MAJIN: variants seen among roughly 807,000 people sequenced by gnomAD.
The protein encoded by MAJIN is membrane anchored junction protein, also known as membrane-anchored junction protein.
Under a neutral mutation model 30.2 loss-of-function variants are expected in MAJIN, and 27 were observed. The observed-to-expected ratio is 0.89, with a 90% CI of 0.66 to 1.23. The LOEUF (loss-of-function observed/expected upper bound fraction) is 1.23, where lower values mean the gene tolerates loss of function less well. MAJIN is among the 50% of genes most tolerant of loss of function. The probability of loss-of-function intolerance (pLI) is 0.00; values close to 1 mark genes in which losing one functional copy is unlikely to be tolerated. For missense variants in MAJIN, 253 were observed against 260.3 expected, an observed-to-expected ratio of 0.97 and a Z score of 0.19; for synonymous variants, 78 against 91.6, an observed-to-expected ratio of 0.85 and a Z score of 0.85.
At chr11:64,956,264 A>C (rs1375295947) in intron 3 of MAJIN, among the ~76,000 whole-genome samples, 1 of 152,082 alleles carries the variant, frequency 6.6e-6, no homozygotes, top group Non-Finnish European at 1.5e-5. Flanking sequence ...GCACCATTGC[A>C]CTCCAGCCCG....
At chr11:64,951,856 A>G (rs1460158923) in intron 4 of MAJIN, among the ~76,000 whole-genome samples, 1 of 151,516 alleles carries the variant, frequency 6.6e-6, no homozygotes, top group African/African-American at 2.4e-5. Context: ...TATACTGGCT[A>G]ATATTTATTG....
chr11:64,957,300 A>T (rs1945651490), intron 3 of MAJIN, among the ~76,000 whole-genome samples: 1 of 151,832 alleles, frequency 6.6e-6, no homozygotes, highest in Admixed American at 6.6e-5. Flanking sequence ...GGCTGATCTC[A>T]AACTCCTACG....
chr11:64,942,234 T>A (rs940560038), intron 8 of MAJIN, among the ~76,000 whole-genome samples: 1 of 152,146 alleles, frequency 6.6e-6, no homozygotes, highest in Non-Finnish European at 1.5e-5. Flanking sequence ...CTTTTTTTTT[T>A]CTTTTGGGTG....
chr11:64,948,823 A>C (rs1333517239), intron 6 of MAJIN, among the ~76,000 whole-genome samples: 1 of 146,646 alleles, frequency 6.8e-6, no homozygotes. Context: ...CGCCTGGCTA[A>C]ATTTATTTTT....
At chr11:64,969,765 A>C (rs1230489812) in intron 1 of MAJIN, among the ~76,000 whole-genome samples, 3 of 151,608 alleles carry the variant, frequency 2.0e-5, no homozygotes, top group African/African-American at 4.9e-5. Flanking sequence ...ATCTTGGCTC[A>C]CTGCAACCTC....
Position 64,947,453 on chromosome 11 carries a change from T to A in MAJIN, c.394A>T (p.Lys132Ter). 1.2e-6 allele frequency: 2 copies of A among 1,613,898 alleles called. No individual in the cohort carries two copies. The highest frequency in any genetic ancestry group is 2.7e-5 in the African/African-American group (2 of 75,036). The change falls in exon 8 of 11, where the codon AAG becomes TAG. Residue 132 changes from lysine to a stop codon, truncating the protein, a stop_gained. Transcript: ENST00000301896. LOFTEE classifies it high-confidence loss of function. ...DSPLGLVPVE[K>*]KAVGAVMRKR... ...CTCATCACAGCTCCTACTGCTTTCT[T>A]CTCAACTGGGACCTTCAGGAGGAAG...
chr11:64,967,793 T>A (rs991914323), intron 1 of MAJIN, among the ~76,000 whole-genome samples: 1 of 152,130 alleles, frequency 6.6e-6, no homozygotes, highest in Admixed American at 6.6e-5. Flanking sequence ...AAGAGAGACA[T>A]GATCCCTCGT....
intron 3 of MAJIN, among the ~76,000 whole-genome samples, chr11:64,956,091 G>A (rs1475359443): frequency 6.6e-6 from 1 of 152,024 alleles, no homozygotes; most frequent in Admixed American, 6.6e-5. Flanking sequence ...ACCTGAGGTC[G>A]GGAGTTTGAA....
intron 4 of MAJIN, among the ~76,000 whole-genome samples, chr11:64,953,211 G>A (rs2136769834): frequency 6.6e-6 from 1 of 152,248 alleles, no homozygotes; most frequent in South Asian, 2.1e-4. Flanking sequence ...CTTGAAACAG[G>A]CCTTCTTTAT....
At position 64,959,293 on chromosome 11, in the gene MAJIN, C is replaced by A; in HGVS notation, c.101+12G>T. On this transcript the variant is annotated intron_variant, in intron 3 of 10. Coordinates refer to ENST00000301896, the MANE Select transcript of MAJIN (RefSeq NM_001037225.3). ...GTGTTTGCATAGGCTACCCTCCTAC[C>A]TTTGAAATTACCTGATACTCTTCCC... 1 of 1,603,272 alleles carries A rather than the reference C, an allele frequency of 6.2e-7. No individual in the cohort carries two copies. Among genetic ancestry groups the A allele is most frequent in the Non-Finnish European group, 8.5e-7 (1 of 1,170,226 alleles).
In MAJIN at chr11:64,941,513, C is replaced by T. The variant is rs186012301; in HGVS notation, c.474-867G>A. Among the ~76,000 whole-genome samples the T allele has an allele frequency of 6.4e-4, 97 of 152,112 alleles. 2 individuals are homozygous for T. The highest frequency in any genetic ancestry group is 5.4e-3 in the East Asian group (28 of 5,154). ...TCTACTAAAAATACAAAAAATCAGC[C>T]GGGCGTGGTGGCAGGCACCTGTAAT... On this transcript the variant is annotated intron_variant, in intron 8 of 10. Coordinates refer to ENST00000301896, the MANE Select transcript of MAJIN (RefSeq NM_001037225.3).
At chr11:64,954,678 G>T in intron 4 of MAJIN, 79 bp downstream of exon 4, 1 of 1,407,254 alleles carries the variant, frequency 7.1e-7, no homozygotes, top group African/African-American at 1.4e-5. Context: ...GACTCAGTTT[G>T]TAGGAAATAA....
intron 8 of MAJIN, chr11:64,946,041 T>G (rs1003122773): frequency 6.8e-7 from 1 of 1,467,506 alleles, no homozygotes. Flanking sequence ...GAATAGCTAA[T>G]AGCCTTGAAG....
In MAJIN at chr11:64,963,014, C is replaced by A. The variant is rs755293973; in HGVS notation, c.-64-2879G>T. Among the ~76,000 whole-genome samples, 40 of 152,218 alleles carry A rather than the reference C, an allele frequency of 2.6e-4. No homozygotes were observed. In the Middle Eastern group the frequency reaches 0.014, roughly 52 times the overall value. ...TGGTGGGGGGCACCTGCAATCCCAG[C>A]TACTCGGGAGGCTAAAACATGAAAA... On this transcript the variant is annotated intron_variant, in intron 1 of 10. Transcript: ENST00000301896.
intron 10 of MAJIN, among the ~76,000 whole-genome samples, chr11:64,939,172 A>C (rs1295045197): frequency 2.0e-5 from 3 of 152,086 alleles, no homozygotes; most frequent in African/African-American, 7.2e-5. Context: ...CTCCTGCCTC[A>C]GCCTCACCTC....
At chr11:64,946,057 ATTT>A in intron 8 of MAJIN, 1 of 1,513,074 alleles carries the variant, frequency 6.6e-7, no homozygotes, top group Non-Finnish European at 8.8e-7. Context: ...TGAAGGCTCC[ATTT>A]TAGTACTAAG....
chr11:64,959,447 C>T, intron 2 of MAJIN, 25 bp from the exon 3 acceptor site: 3 of 1,554,794 alleles, frequency 1.9e-6, no homozygotes, highest in Admixed American at 1.7e-5. Context: ...AAGAGAATTA[C>T]TAAAAAGCTA....
intron 1 of MAJIN, among the ~76,000 whole-genome samples, chr11:64,968,071 G>C (rs1172474502): frequency 6.6e-6 from 1 of 151,988 alleles, no homozygotes; most frequent in African/African-American, 2.4e-5. Flanking sequence ...TGTCTGTGAT[G>C]AGTTTAATGG....
chr11:64,964,849 G>A (rs1945782361), intron 1 of MAJIN, among the ~76,000 whole-genome samples: 1 of 152,104 alleles, frequency 6.6e-6, no homozygotes, highest in Non-Finnish European at 1.5e-5. Context: ...CCCTCCCAAA[G>A]TGCTGGCATT....
Sources: gnomAD v4.1 joint callset for allele counts (sites outside exome capture counted in the v4.1 genomes callset) on GRCh38, gnomAD v4.1.1 for gene constraint, MANE v1.5 for transcripts, NCBI Gene and HGNC (gene_info 2026-07-23, HGNC 2026-07-21) for gene names.